The following PLCH1 variants were observed in gnomAD, a reference collection of about 807,000 sequenced individuals.
PLCH1 encodes the protein 1-phosphatidylinositol 4,5-bisphosphate phosphodiesterase eta-1.
Under a neutral mutation model 126.7 loss-of-function variants are expected in PLCH1, and 60 were observed. The observed-to-expected ratio is 0.47, with a 90% confidence interval of 0.38 to 0.59. PLCH1 has a LOEUF of 0.59. Ranked by LOEUF, PLCH1 falls within the 20% of genes least tolerant of loss-of-function variation. The pLI is 0.00. For synonymous variants in PLCH1, 719 were observed against 734.9 expected (o/e 0.98, Z 0.35); for missense variants, 1,723 against 2,040.0 (o/e 0.84, Z 2.99).
At chr3:155,519,026 T>C (rs940002136) in intron 11 of PLCH1, among the ~76,000 whole-genome samples, 6 of 152,364 alleles carry the variant, frequency 3.9e-5, no homozygotes, top group Admixed American at 6.5e-5. Context: ...AGGAATGATA[T>C]CTCTGCCTGT....
chr3:155,515,676 A>G (rs1365574993), intron 11 of PLCH1, among the ~76,000 whole-genome samples: 1 of 152,322 alleles, frequency 6.6e-6, no homozygotes, highest in South Asian at 2.1e-4. Context: ...CTTTTCGGCC[A>G]TTTGTTCTGC....
intron 21 of PLCH1, among the ~76,000 whole-genome samples, chr3:155,453,751 T>G (rs1357504907): frequency 6.7e-6 from 1 of 149,450 alleles, no homozygotes; most frequent in African/African-American, 2.5e-5. Context: ...TGATTAATAA[T>G]TAGAAATTAA....
At chr3:155,478,258 G>A (rs973431277), downstream of PLCH1, among the ~76,000 whole-genome samples, 3 of 152,118 alleles carry the variant, frequency 2.0e-5, no homozygotes, top group Non-Finnish European at 4.4e-5. Context: ...TGTAGTGGGA[G>A]ACTGGGAGTA....
At chr3:155,645,493 T>G (rs1739917267) in intron 2 of PLCH1, among the ~76,000 whole-genome samples, 1 of 152,156 alleles carries the variant, frequency 6.6e-6, no homozygotes. Flanking sequence ...TGGTTTTTGT[T>G]TGGGACAGGG....
rs759346272 is a variant in PLCH1 at position 155,485,649 on chromosome 3, T to C, written c.2681A>G (p.Glu894Gly). 7.5e-6 allele frequency: 12 copies of C among 1,609,406 alleles called. No individual in the cohort carries two copies. Among genetic ancestry groups the C allele is most frequent in the Admixed American group, 3.3e-5 (2 of 60,004 alleles). Residue 894 changes from glutamate (E) to glycine (G), a missense_variant, in exon 22 of 23, where the codon GAA (glutamate) becomes GGA (glycine). By Grantham distance (98) the Glu-to-Gly change is moderately conservative (BLOSUM62 -2). This residue lies in a region of PLCH1 where 947 missense variants were observed against 977.1 expected (regional missense o/e 0.97). Coordinates refer to ENST00000460012, the MANE Select transcript of PLCH1 (RefSeq NM_014996.4). ...CTTCCGTACATAATGGGAATTGTTT[T>C]CTGAAGAACTGTGCCTAGGATTCTT... ...FNKNPRHSSS[E>G]NNSHYVRKRS...
At chr3:155,458,470 GA>G (rs1188453588) in intron 21 of PLCH1, among the ~76,000 whole-genome samples, 2 of 97,532 alleles carry the variant, frequency 2.1e-5, no homozygotes, top group East Asian at 5.8e-4. Context: ...AAGAAAGAAA[GA>G]AAGAAAGAAA....
Position 155,481,880 on chromosome 3 carries a change from G to C in PLCH1, c.4146C>G (p.Leu1382=). The C allele has an allele frequency of 6.2e-7, 1 of 1,614,138 alleles. No individual in the cohort carries two copies. The highest frequency in any genetic ancestry group is 8.5e-7 in the Non-Finnish European group (1 of 1,180,020). Residue 1382 remains leucine (L), a synonymous_variant, in exon 23 of 23, where the codon CTC becomes CTG. Coordinates refer to ENST00000460012, the MANE Select transcript of PLCH1 (RefSeq NM_014996.4). The surrounding 1 kb of genome is among the most constrained non-coding windows in gnomAD (Gnocchi z 4.2). ...GTTCTACCACACCCTGATTGTACTT[G>C]AGTTTTAAAGGAGAAGCAAGTTGAC... ...GTSQLASPLK[L]KYNQGVVEHF... is the part of the protein sequence containing the mutation.
At chr3:155,540,864 C>T (rs192515658) in intron 10 of PLCH1, among the ~76,000 whole-genome samples, 2 of 152,204 alleles carry the variant, frequency 1.3e-5, no homozygotes, top group East Asian at 1.9e-4. Flanking sequence ...TAAATATTTT[C>T]CTCTTGGTAG....
chr3:155,660,977 G>A (rs973859882), intron 2 of PLCH1, among the ~76,000 whole-genome samples: 1 of 152,142 alleles, frequency 6.6e-6, no homozygotes, highest in African/African-American at 2.4e-5. Flanking sequence ...TAAACAAAAT[G>A]CCACATGAAG....
Position 155,594,123 on chromosome 3 carries a change from T to C in PLCH1, c.288A>G (p.Gln96=). 6.2e-7 allele frequency: 1 copy of C among 1,614,144 alleles called. No homozygotes were observed. The change falls in exon 4 of 23, where the codon CAA becomes CAG. Residue 96 remains glutamine, a synonymous_variant. Coordinates refer to ENST00000460012, the MANE Select transcript of PLCH1 (RefSeq NM_014996.4). The part of the protein sequence containing the change: ...EGRQSEIFHR[Q]AEGNFDPSCC... ...AGCTGGGGTCGAAGTTCCCCTCAGC[T>C]TGTCTGTGGAATATTTCAGACTGCC...
chr3:155,555,150 G>A (rs1023933350), intron 8 of PLCH1, among the ~76,000 whole-genome samples: 3 of 152,226 alleles, frequency 2.0e-5, no homozygotes, highest in African/African-American at 4.8e-5. Flanking sequence ...ATGCTAAATG[G>A]ATTAATAAAT....
At chr3:155,513,810 A>G (rs1301463438) in intron 12 of PLCH1, among the ~76,000 whole-genome samples, 1 of 152,176 alleles carries the variant, frequency 6.6e-6, no homozygotes, top group Non-Finnish European at 1.5e-5. Context: ...GGCATTAGCA[A>G]GCCAATATTA....
chr3:155,714,992 A>G (rs1747402138), intron 1 of PLCH1, among the ~76,000 whole-genome samples: 1 of 152,122 alleles, frequency 6.6e-6, no homozygotes, highest in African/African-American at 2.4e-5. Flanking sequence ...ATATTTGACT[A>G]CTGGTTTATT....
chr3:155,488,935 G>A, intron 19 of PLCH1, 129 bp from the exon 20 acceptor site: 3 of 727,290 alleles, frequency 4.1e-6, no homozygotes, highest in Non-Finnish European at 6.5e-6. Context: ...AGACAACTAA[G>A]CCACACTCAA....
chr3:155,457,170 G>A (rs1332473503), intron 21 of PLCH1: 2 of 152,430 alleles, frequency 1.3e-5, no homozygotes, highest in Non-Finnish European at 2.9e-5. Flanking sequence ...CCCCTGCTGG[G>A]GAAAAAGAGT....
chr3:155,556,656 G>A (rs1352247684), intron 8 of PLCH1, among the ~76,000 whole-genome samples: 1 of 152,210 alleles, frequency 6.6e-6, no homozygotes, highest in Non-Finnish European at 1.5e-5. Context: ...TTTGGGTAAA[G>A]CCGATTATGC....
intron 21 of PLCH1, among the ~76,000 whole-genome samples, chr3:155,468,589 A>G (rs989448686): frequency 1.3e-5 from 2 of 152,226 alleles, no homozygotes; most frequent in African/African-American, 4.8e-5. Flanking sequence ...AGCAGGAGTC[A>G]CTATACTTAC....
intron 5 of PLCH1, 108 bp from the exon 6 acceptor site, chr3:155,583,750 G>A (rs577918268): frequency 3.6e-5 from 25 of 690,614 alleles, no homozygotes; most frequent in Middle Eastern, 8.2e-4. Context: ...ATCCCAAGAG[G>A]TGAGCACACA....
intron 1 of PLCH1, among the ~76,000 whole-genome samples, chr3:155,714,715 G>A (rs1416999101): frequency 9.2e-5 from 14 of 152,156 alleles, no homozygotes; most frequent in Admixed American, 9.2e-4. Context: ...CATTTGAAAG[G>A]GCTGGTTTAG....
Sources: allele counts gnomAD v4.1 joint callset (sites outside exome capture counted in the v4.1 genomes callset), GRCh38; gene constraint gnomAD v4.1.1; regional missense constraint gnomAD v4.1.1; non-coding constraint Gnocchi (gnomAD v3.1); transcripts MANE v1.5; gene names NCBI Gene and HGNC (gene_info 2026-07-23, HGNC 2026-07-21).